The following ARK2N variants were observed in gnomAD, a reference collection of about 807,000 sequenced individuals.
ARK2N encodes protein ARK2N.
the ARK2N span, among the ~76,000 whole-genome samples, chr18:46,189,739 C>T: frequency 6.6e-6 from 1 of 152,160 alleles, no homozygotes; most frequent in Admixed American, 6.6e-5. Context: ...TGGCATGTGC[C>T]TGTAGTCCCA....
chr18:46,227,535 A>G, the ARK2N span, among the ~76,000 whole-genome samples: 2 of 152,170 alleles, frequency 1.3e-5, no homozygotes, highest in Non-Finnish European at 2.9e-5. Context: ...GTTTAGGGAT[A>G]TATACATCCT....
the ARK2N span, among the ~76,000 whole-genome samples, chr18:46,200,465 G>A: frequency 6.6e-6 from 1 of 152,032 alleles, no homozygotes; most frequent in African/African-American, 2.4e-5. Context: ...GTGCCACCAC[G>A]CCCAGCTAAT....
the ARK2N span, among the ~76,000 whole-genome samples, chr18:46,190,989 G>C: frequency 6.6e-6 from 1 of 152,244 alleles, no homozygotes; most frequent in African/African-American, 2.4e-5. Flanking sequence ...CAAATCCAGT[G>C]TGCAACTGGT....
At chr18:46,210,420 A>G in the ARK2N span, among the ~76,000 whole-genome samples, 8 of 152,318 alleles carry the variant, frequency 5.3e-5, no homozygotes, top group East Asian at 1.5e-3. Flanking sequence ...TGAGCTAGAG[A>G]AAGCCAGAGA....
the ARK2N span, among the ~76,000 whole-genome samples, chr18:46,199,742 G>A: frequency 6.6e-6 from 1 of 151,932 alleles, no homozygotes; most frequent in African/African-American, 2.4e-5. Flanking sequence ...GCAGCTTATG[G>A]GACTGCAACT....
the ARK2N span, chr18:46,215,791 C>A: frequency 3.2e-6 from 4 of 1,258,312 alleles, no homozygotes; most frequent in Non-Finnish European, 4.5e-6. Flanking sequence ...TGTTTATTGA[C>A]TTTGTGTGTT....
chr18:46,181,277 A>C, the ARK2N span, among the ~76,000 whole-genome samples: 10 of 152,054 alleles, frequency 6.6e-5, no homozygotes, highest in East Asian at 1.6e-3. Context: ...TGGGGGGGGA[A>C]ATGTCGTTTT....
At chr18:46,246,930 A>C in the ARK2N span, among the ~76,000 whole-genome samples, 1 of 150,890 alleles carries the variant, frequency 6.6e-6, no homozygotes, top group African/African-American at 2.5e-5. Flanking sequence ...AACAAGAGCA[A>C]AACTCCATTT....
the ARK2N span, among the ~76,000 whole-genome samples, chr18:46,238,976 C>A: frequency 6.6e-6 from 1 of 151,904 alleles, no homozygotes; most frequent in East Asian, 1.9e-4. Context: ...TCATAAATAG[C>A]CTTTGGGGGA....
chr18:46,219,487 T>C, the ARK2N span, among the ~76,000 whole-genome samples: 1 of 151,990 alleles, frequency 6.6e-6, no homozygotes, highest in Non-Finnish European at 1.5e-5. Context: ...TTTTTTTTTT[T>C]TGAGACCGAG....
the ARK2N span, chr18:46,231,848 A>T: frequency 6.6e-6 from 1 of 150,610 alleles, no homozygotes; most frequent in Non-Finnish European, 1.5e-5. Flanking sequence ...TCCACCTCCC[A>T]GGTTCAAGTG....
the ARK2N span, among the ~76,000 whole-genome samples, chr18:46,229,239 AT>A: frequency 1.3e-5 from 2 of 152,038 alleles, no homozygotes; most frequent in Non-Finnish European, 2.9e-5. Context: ...AAAAAAATAG[AT>A]TTTGCTTTAA....
the ARK2N span, chr18:46,265,903 G>T: frequency 1.6e-5 from 2 of 127,406 alleles, no homozygotes; most frequent in Non-Finnish European, 3.8e-5. Flanking sequence ...TCACAGATTG[G>T]TTTATGCCAC....
At chr18:46,228,650 A>G in the ARK2N span, 6 of 394,366 alleles carry the variant, frequency 1.5e-5, no homozygotes, top group Non-Finnish European at 2.7e-5. Context: ...CAGAGGTGCC[A>G]TCTTGTCTCA....
the ARK2N span, among the ~76,000 whole-genome samples, chr18:46,200,062 T>G: frequency 3.4e-5 from 5 of 147,868 alleles, no homozygotes; most frequent in Non-Finnish European, 7.5e-5. Context: ...CAGAAAATTC[T>G]TTATTGTGTG....
the ARK2N span, among the ~76,000 whole-genome samples, chr18:46,201,952 A>G: frequency 6.6e-6 from 1 of 151,290 alleles, no homozygotes; most frequent in Non-Finnish European, 1.5e-5. Flanking sequence ...TAATTTTTGT[A>G]TTTTTGGTAG....
the ARK2N span, among the ~76,000 whole-genome samples, chr18:46,198,547 T>C: frequency 6.6e-6 from 1 of 152,096 alleles, no homozygotes; most frequent in Non-Finnish European, 1.5e-5. Context: ...AATACGCAAA[T>C]GTAGGTAGAT....
the ARK2N span, among the ~76,000 whole-genome samples, chr18:46,194,452 A>G: frequency 6.6e-6 from 1 of 150,676 alleles, no homozygotes; most frequent in Non-Finnish European, 1.5e-5. Flanking sequence ...GAGCTATTAC[A>G]GAATCTTTTT....
chr18:46,253,668 T>C, the ARK2N span: 14 of 1,601,188 alleles, frequency 8.7e-6, no homozygotes, highest in African/African-American at 1.3e-5. Context: ...ATTATAGTGC[T>C]TGTTTTTTTT....
Sources: allele counts gnomAD v4.1 joint callset (sites outside exome capture counted in the v4.1 genomes callset), GRCh38; gene constraint gnomAD v4.1.1; transcripts MANE v1.5; gene names NCBI Gene and HGNC (gene_info 2026-07-23, HGNC 2026-07-21).